FRMD5: variants seen among roughly 807,000 people sequenced by gnomAD.
The protein encoded by FRMD5 is FERM domain-containing protein 5.
Under a neutral mutation model 69.0 loss-of-function variants are expected in FRMD5, and 20 were observed. That is an observed-to-expected ratio of 0.29 (90% CI 0.20 to 0.42). The LOEUF (loss-of-function observed/expected upper bound fraction) is 0.42, where lower values mean the gene tolerates loss of function less well. Ranked by LOEUF, FRMD5 falls within the 10% of genes least tolerant of loss-of-function variation. The pLI is 1.00. For missense variants in FRMD5, 595 were observed against 708.6 expected (o/e 0.84, Z 1.82); for synonymous variants, 271 against 260.1 (o/e 1.04, Z -0.40).
At chr15:43,902,099 G>T in intron 7 of FRMD5, 76 bp downstream of exon 7, 1 of 1,027,326 alleles carries the variant, frequency 9.7e-7, no homozygotes, top group Non-Finnish European at 1.5e-6. Context: ...GCCTCTGAGC[G>T]CAGGCATGGG....
At chr15:43,988,406 T>C (rs544344132) in intron 1 of FRMD5, among the ~76,000 whole-genome samples, 29 of 151,814 alleles carry the variant, frequency 1.9e-4, no homozygotes, top group Admixed American at 1.6e-3. Flanking sequence ...GGTATGTGCA[T>C]TGTTTTTTTA....
At chr15:43,948,744 A>G (rs2140505478) in intron 1 of FRMD5, among the ~76,000 whole-genome samples, 1 of 152,306 alleles carries the variant, frequency 6.6e-6, no homozygotes, top group South Asian at 2.1e-4. Flanking sequence ...AATTCTCCGA[A>G]AAGGACAGGC....
At chr15:44,198,324 C>T (rs554537842), upstream of FRMD5, among the ~76,000 whole-genome samples, 63 of 106,248 alleles carry the variant, frequency 5.9e-4, 1 homozygote, top group Non-Finnish European at 1.6e-4. Context: ...CAGATCCTGT[C>T]TCAAAAAAAA....
At chr15:43,961,599 A>C (rs2090202215) in intron 1 of FRMD5, among the ~76,000 whole-genome samples, 1 of 152,138 alleles carries the variant, frequency 6.6e-6, no homozygotes, top group Non-Finnish European at 1.5e-5. Flanking sequence ...GAGACACAAC[A>C]AAAAAAGAGA....
intron 1 of FRMD5, among the ~76,000 whole-genome samples, chr15:43,951,349 G>A (rs991093987): frequency 6.6e-6 from 1 of 151,336 alleles, no homozygotes; most frequent in East Asian, 1.9e-4. Context: ...GTGAACCCAG[G>A]AGGCGGCACT....
intron 13 of FRMD5, among the ~76,000 whole-genome samples, chr15:43,878,736 G>A (rs549487646): frequency 1.4e-4 from 22 of 152,170 alleles, no homozygotes; most frequent in African/African-American, 4.8e-4. Context: ...CTGACTGCAG[G>A]ATCTTTCAAA....
chr15:44,164,094 C>T (rs1315711676), intron 1 of FRMD5, among the ~76,000 whole-genome samples: 1 of 152,188 alleles, frequency 6.6e-6, no homozygotes, highest in Non-Finnish European at 1.5e-5. Flanking sequence ...CAATCCTCAT[C>T]TGTTCTTTCC....
At chr15:44,134,312 G>A (rs2077150574) in intron 1 of FRMD5, among the ~76,000 whole-genome samples, 1 of 152,076 alleles carries the variant, frequency 6.6e-6, no homozygotes, top group African/African-American at 2.4e-5. Context: ...GAAGGTGAAG[G>A]CCCAAAATGA....
chr15:43,983,322 C>A (rs1260339421), intron 1 of FRMD5, among the ~76,000 whole-genome samples: 1 of 152,112 alleles, frequency 6.6e-6, no homozygotes, highest in East Asian at 1.9e-4. Context: ...GCTTTATATA[C>A]ATTTTTGTCC....
rs192458595 is a variant in FRMD5, at chr15:44,000,170, T to C, written c.103-75861A>G. ...TGCCCAGCTATTTTTTATTTTTTTGTAGAGACAGGGTCTTACTATATTGCC... is the reference window on the plus strand; with the variant it reads ...TGCCCAGCTATTTTTTATTTTTTTGCAGAGACAGGGTCTTACTATATTGCC... On this transcript the variant is annotated intron_variant, in intron 1 of 13. Coordinates refer to ENST00000417257, the MANE Select transcript of FRMD5 (RefSeq NM_032892.5). Among the ~76,000 whole-genome samples, 399 of 151,678 alleles carry C rather than the reference T, an allele frequency of 2.6e-3. 8 individuals carry two copies. Among genetic ancestry groups the C allele is most frequent in the Admixed American group, 0.024 (369 of 15,210 alleles).
At chr15:43,887,668 T>C (rs1329354570) in intron 10 of FRMD5, among the ~76,000 whole-genome samples, 1 of 152,154 alleles carries the variant, frequency 6.6e-6, no homozygotes. Flanking sequence ...GAGAGAAGTA[T>C]GGTGCCACTC....
At chr15:44,076,668 A>C (rs947733011) in intron 1 of FRMD5, among the ~76,000 whole-genome samples, 1 of 148,280 alleles carries the variant, frequency 6.7e-6, no homozygotes, top group Non-Finnish European at 1.5e-5. Flanking sequence ...GATATACCTA[A>C]TGCTAGATGA....
At chr15:44,002,996 C>T (rs768216825) in intron 1 of FRMD5, among the ~76,000 whole-genome samples, 1 of 152,140 alleles carries the variant, frequency 6.6e-6, no homozygotes, top group Non-Finnish European at 1.5e-5. Context: ...ATTCCCAAGT[C>T]ATACCACAGC....
In FRMD5 at chr15:43,894,491, C is replaced by T. The variant is rs117553937; in HGVS notation, c.640-2422G>A. On this transcript the variant is annotated intron_variant, in intron 7 of 13. Transcript: ENST00000417257. ...CTGCAGTGGGGAACGTCCGTATGTG[C>T]GTAAAAATGAGAGGGGAGGCAGAGG... is the stretch of plus-strand genomic sequence containing the variant. Among the ~76,000 whole-genome samples, 21 of 151,578 alleles carry T rather than the reference C, an allele frequency of 1.4e-4. No individual in the cohort carries two copies. The East Asian group carries it at 3.1e-3, about 22-fold the overall frequency.
At chr15:43,905,251 C>T (rs985794089) in intron 6 of FRMD5, among the ~76,000 whole-genome samples, 2 of 151,918 alleles carry the variant, frequency 1.3e-5, no homozygotes, top group Non-Finnish European at 2.9e-5. Flanking sequence ...ATTCTCCCGC[C>T]TCAGCCTCCG....
At position 44,049,207 on chromosome 15, in the gene FRMD5, G is replaced by A. The variant is rs574681271; in HGVS notation, c.103-124898C>T. ...CCAAACCAGACCTCTAACCAGAGTT[G>A]GCTCCCAAACCAGACCTCTAACCAG... On this transcript the variant is annotated intron_variant, in intron 1 of 13. Transcript: ENST00000417257. 3.9e-5 allele frequency among the ~76,000 whole-genome samples: 6 copies of A among 152,198 alleles called. No homozygotes were observed. In the East Asian group the frequency reaches 1.2e-3, roughly 29 times the overall value.
intron 13 of FRMD5, among the ~76,000 whole-genome samples, chr15:43,877,101 C>A (rs1051008239): frequency 5.3e-5 from 8 of 152,182 alleles, no homozygotes; most frequent in African/African-American, 1.9e-4. Context: ...GAAATGGCTT[C>A]TTGTTTTAGG....
chr15:44,004,769 G>A (rs1890363841), intron 1 of FRMD5, among the ~76,000 whole-genome samples: 1 of 152,178 alleles, frequency 6.6e-6, no homozygotes, highest in Admixed American at 6.5e-5. Flanking sequence ...AAAGTCACAT[G>A]TCTTTAACTT....
chr15:44,196,423 C>T (rs2078297930), upstream of FRMD5, among the ~76,000 whole-genome samples: 1 of 151,872 alleles, frequency 6.6e-6, no homozygotes, highest in Non-Finnish European at 1.5e-5. Context: ...AAGATCACGG[C>T]CATTGCACTC....
Sources: gnomAD v4.1 joint callset for allele counts (sites outside exome capture counted in the v4.1 genomes callset) on GRCh38, gnomAD v4.1.1 for gene constraint, MANE v1.5 for transcripts, NCBI Gene and HGNC (gene_info 2026-07-23, HGNC 2026-07-21) for gene names.